TULP2: variants seen among roughly 807,000 people sequenced by gnomAD.
The protein encoded by TULP2 is TUB like protein 2, also known as tubby-related protein 2.
A neutral mutation model predicts 60.3 loss-of-function variants in TULP2; 64 were observed. That is an observed-to-expected ratio of 1.06 (90% CI 0.87 to 1.31). The LOEUF is 1.31. Among genes scored for constraint, TULP2 ranks in the 50% most tolerant of loss-of-function variants. The probability of loss-of-function intolerance (pLI) is 0.00; values close to 1 mark genes in which losing one functional copy is unlikely to be tolerated. For missense variants in TULP2, 652 were observed against 667.0 expected (o/e 0.98, Z 0.25); for synonymous variants, 267 against 265.4 (o/e 1.01, Z -0.06).
chr19:48,894,607 C>T (rs943537943), intron 6 of TULP2, among the ~76,000 whole-genome samples: 1 of 152,138 alleles, frequency 6.6e-6, no homozygotes, highest in Non-Finnish European at 1.5e-5. Context: ...CGCCACTGCA[C>T]TCCAGCCTAG....
intron 6 of TULP2, among the ~76,000 whole-genome samples, chr19:48,893,939 C>T (rs2037255780): frequency 6.6e-6 from 1 of 152,182 alleles, no homozygotes; most frequent in Non-Finnish European, 1.5e-5. Flanking sequence ...ATATAGTTAG[C>T]TTCTCGTATC....
chr19:48,896,327 A>T, intron 4 of TULP2, 103 bp downstream of exon 4: 1 of 1,427,504 alleles, frequency 7.0e-7, no homozygotes, highest in Non-Finnish European at 9.2e-7. Flanking sequence ...TCCACTGCCA[A>T]GTCCCCACCC....
intron 6 of TULP2, among the ~76,000 whole-genome samples, chr19:48,889,879 A>G (rs557442993): frequency 2.6e-4 from 39 of 152,294 alleles, no homozygotes; most frequent in African/African-American, 8.7e-4. Context: ...CATGCTCCTA[A>G]AGAGTCATCA....
At chr19:48,892,269 C>T (rs962463363) in intron 6 of TULP2, among the ~76,000 whole-genome samples, 1 of 152,218 alleles carries the variant, frequency 6.6e-6, no homozygotes, top group Non-Finnish European at 1.5e-5. Context: ...GCCCAGGCTT[C>T]CTTGGGCAGG....
chr19:48,896,244 G>A (rs992068553), intron 4 of TULP2, among the ~76,000 whole-genome samples, 186 bp downstream of exon 4: 73 of 152,088 alleles, frequency 4.8e-4, no homozygotes, highest in African/African-American at 1.6e-3. Flanking sequence ...GCCGCGGGGG[G>A]CCCCCACAAG....
chr19:48,881,732 G>C (rs777493124), intron 12 of TULP2, among the ~76,000 whole-genome samples: 2 of 152,016 alleles, frequency 1.3e-5, no homozygotes, highest in African/African-American at 4.8e-5. Context: ...TGGCCAGGCT[G>C]TTCTTGAACT....
Sources: allele counts gnomAD v4.1 joint callset (sites outside exome capture counted in the v4.1 genomes callset), GRCh38; gene constraint gnomAD v4.1.1; transcripts MANE v1.5; gene names NCBI Gene and HGNC (gene_info 2026-07-23, HGNC 2026-07-21).